DDX10: variants seen among roughly 807,000 people sequenced by gnomAD.
DDX10 encodes DEAD-box helicase 10.
DDX10 carries 74 observed loss-of-function variants against 104.3 expected under a neutral mutation model. The ratio of observed to expected loss-of-function variants is 0.71; its 90% CI spans 0.59 to 0.86. DDX10 has a LOEUF of 0.86. Ranked by LOEUF, DDX10 falls within the 40% of genes least tolerant of loss-of-function variation. DDX10 has a pLI of 0.00. For missense variants in DDX10, 952 were observed against 1,040.0 expected, an observed-to-expected ratio of 0.92 and a Z score of 1.16; for synonymous variants, 351 against 353.4, an observed-to-expected ratio of 0.99 and a Z score of 0.08.
chr11:108,905,278 T>TA (rs1268591354), intron 16 of DDX10, among the ~76,000 whole-genome samples: 1 of 135,316 alleles, frequency 7.4e-6, no homozygotes, highest in Non-Finnish European at 1.6e-5. Context: ...ATTTCAAAGA[T>TA]ATTATTTATT....
intron 14 of DDX10, 93 bp from the exon 15 acceptor site, chr11:108,841,222 A>G (rs1251957147): frequency 2.2e-5 from 23 of 1,041,400 alleles, no homozygotes; most frequent in Middle Eastern, 3.2e-4. Flanking sequence ...GAAAATGGGT[A>G]TCTGCACCTT....
At chr11:108,793,362 T>C (rs1485858119) in intron 13 of DDX10, among the ~76,000 whole-genome samples, 2 of 152,200 alleles carry the variant, frequency 1.3e-5, no homozygotes, top group Non-Finnish European at 1.5e-5. Flanking sequence ...CTCACTGTTA[T>C]CAGTAAACAT....
intron 9 of DDX10, among the ~76,000 whole-genome samples, chr11:108,702,093 A>G (rs914884787): frequency 2.0e-5 from 3 of 152,052 alleles, no homozygotes; most frequent in Non-Finnish European, 4.4e-5. Context: ...AAATTTAATA[A>G]GATAAGGACA....
At chr11:108,878,203 T>C (rs1863178053) in intron 16 of DDX10, among the ~76,000 whole-genome samples, 1 of 151,796 alleles carries the variant, frequency 6.6e-6, no homozygotes. Context: ...TATGGAAAGG[T>C]TTTTAAAAAG....
chr11:108,870,125 A>G (rs1384970280), intron 16 of DDX10, among the ~76,000 whole-genome samples: 1 of 152,162 alleles, frequency 6.6e-6, no homozygotes, highest in South Asian at 2.1e-4. Flanking sequence ...TTTCTTGTAA[A>G]TCTACAGTTA....
intron 13 of DDX10, among the ~76,000 whole-genome samples, chr11:108,819,660 G>A (rs761274436): frequency 1.3e-4 from 20 of 151,916 alleles, no homozygotes; most frequent in South Asian, 6.3e-4. Flanking sequence ...GTGCAATGGT[G>A]CAATCTCAGC....
At chr11:108,708,948 T>C (rs1383710946) in intron 10 of DDX10, among the ~76,000 whole-genome samples, 1 of 152,230 alleles carries the variant, frequency 6.6e-6, no homozygotes, top group East Asian at 1.9e-4. Context: ...ATCTTCAATC[T>C]TGTAGTCTTG....
intron 16 of DDX10, among the ~76,000 whole-genome samples, chr11:108,890,857 C>T (rs1863366614): frequency 2.0e-5 from 3 of 152,162 alleles, no homozygotes; most frequent in African/African-American, 7.2e-5. Context: ...CCCACCTGTA[C>T]ATGCCATGCC....
intron 16 of DDX10, among the ~76,000 whole-genome samples, chr11:108,863,190 TAA>T (rs1252595940): frequency 6.6e-6 from 1 of 152,238 alleles, no homozygotes; most frequent in Non-Finnish European, 1.5e-5. Flanking sequence ...GGTCCAGTAC[TAA>T]GAGTTTACGA....
chr11:108,933,131 C>T (rs1329548052), intron 17 of DDX10, among the ~76,000 whole-genome samples: 2 of 151,862 alleles, frequency 1.3e-5, no homozygotes, highest in Non-Finnish European at 1.5e-5. Flanking sequence ...GAGTACAACT[C>T]GGACAAGTGA....
intron 13 of DDX10, among the ~76,000 whole-genome samples, chr11:108,745,799 G>T (rs533073123): frequency 6.6e-6 from 1 of 152,114 alleles, no homozygotes; most frequent in African/African-American, 2.4e-5. Flanking sequence ...AAGTCTTCTA[G>T]ACCTTGAGGA....
chr11:108,858,210 G>A (rs1005110495), intron 16 of DDX10, among the ~76,000 whole-genome samples: 1 of 151,718 alleles, frequency 6.6e-6, no homozygotes, highest in Admixed American at 6.6e-5. Context: ...TTTCCGTTTT[G>A]AAGCCTTTTC....
chr11:108,750,238 TA>T, intron 13 of DDX10, among the ~76,000 whole-genome samples: 1 of 152,212 alleles, frequency 6.6e-6, no homozygotes, highest in East Asian at 1.9e-4. Flanking sequence ...AAAGGTTTTT[TA>T]TTTTAGTATG....
At chr11:108,703,813 T>C (rs2094272024) in intron 9 of DDX10, among the ~76,000 whole-genome samples, 1 of 152,156 alleles carries the variant, frequency 6.6e-6, no homozygotes, top group African/African-American at 2.4e-5. Context: ...AATAAAAGCT[T>C]ACTGGGGAAC....
intron 10 of DDX10, among the ~76,000 whole-genome samples, chr11:108,713,729 G>A (rs949931350): frequency 1.3e-5 from 2 of 152,088 alleles, no homozygotes; most frequent in Admixed American, 1.3e-4. Context: ...TGATAGATAC[G>A]ATGTACCAGG....
chr11:108,679,997 T>A (rs2094232425), intron 6 of DDX10, among the ~76,000 whole-genome samples: 1 of 152,216 alleles, frequency 6.6e-6, no homozygotes, highest in Non-Finnish European at 1.5e-5. Context: ...TACCAAATTT[T>A]TTGGGTACGG....
chr11:108,911,692 C>T (rs1390294248), intron 16 of DDX10, among the ~76,000 whole-genome samples: 1 of 150,102 alleles, frequency 6.7e-6, no homozygotes, highest in Non-Finnish European at 1.5e-5. Flanking sequence ...CTCAGCCTCC[C>T]AAGTAGCTGC....
At chr11:108,901,071 C>T (rs1165135706) in intron 16 of DDX10, among the ~76,000 whole-genome samples, 1 of 152,138 alleles carries the variant, frequency 6.6e-6, no homozygotes, top group Non-Finnish European at 1.5e-5. Flanking sequence ...CAGATCTAGC[C>T]TTCTGTTGGC....
intron 10 of DDX10, among the ~76,000 whole-genome samples, chr11:108,715,510 C>T (rs1213820822): frequency 2.6e-5 from 4 of 152,100 alleles, no homozygotes; most frequent in Non-Finnish European, 5.9e-5. Flanking sequence ...ACTGAGGGAG[C>T]GGGGTGAGAC....
Sources: gnomAD v4.1 joint callset for allele counts (sites outside exome capture counted in the v4.1 genomes callset) on GRCh38, gnomAD v4.1.1 for gene constraint, MANE v1.5 for transcripts, NCBI Gene and HGNC (gene_info 2026-07-23, HGNC 2026-07-21) for gene names.